FER: variants seen among roughly 807,000 people sequenced by gnomAD.
FER encodes the protein FER tyrosine kinase.
FER carries 63 observed loss-of-function variants against 111.0 expected under a neutral mutation model. The observed-to-expected ratio is 0.57, with a 90% CI of 0.46 to 0.70. The LOEUF (loss-of-function observed/expected upper bound fraction) is 0.70, where lower values mean the gene tolerates loss of function less well. FER is among the 30% of genes least tolerant of loss of function. The probability of loss-of-function intolerance (pLI) is 0.00; values close to 1 mark genes in which losing one functional copy is unlikely to be tolerated. For synonymous variants in FER, 327 were observed against 313.9 expected (o/e 1.04, Z -0.44); for missense variants, 914 against 954.0 (o/e 0.96, Z 0.55).
chr5:109,044,537 G>A (rs777608081), intron 14 of FER, 143 bp from the exon 15 acceptor site: 5 of 491,764 alleles, frequency 1.0e-5, no homozygotes, highest in South Asian at 8.0e-5. Flanking sequence ...TTAGAAGTTC[G>A]TATGTCTGAT....
chr5:108,790,233 C>A (rs1755200319), intron 2 of FER, among the ~76,000 whole-genome samples: 1 of 61,110 alleles, frequency 1.6e-5, no homozygotes, highest in Admixed American at 2.2e-4. Flanking sequence ...TATGCATACA[C>A]ACCACACACA....
chr5:108,897,931 T>C lies in FER; in HGVS notation c.1236+83T>C, dbSNP rs1406552224. 6 of 1,238,810 alleles carry C rather than the reference T, an allele frequency of 4.8e-6. No homozygotes were observed. The African/African-American group carries it at 7.8e-5, about 16-fold the overall frequency. The allele number at this position is 1,238,810 out of a possible 1,614,324, so 76.7% of individuals were successfully genotyped here. On this transcript the variant is annotated intron_variant, in intron 10 of 19. Coordinates refer to ENST00000281092, the MANE Select transcript of FER (RefSeq NM_005246.4). ...GCATACAAAAATTATTTAAATTTGC[T>C]ATAACAAATTGTTACTCTTGTTAAT...
At chr5:108,995,076 T>A (rs115834388) in intron 13 of FER, among the ~76,000 whole-genome samples, 1,598 of 152,228 alleles carry the variant, frequency 0.01, 23 homozygotes, top group African/African-American at 0.036. Context: ...TTTGACTTCC[T>A]CTCTTCCTAT....
intron 13 of FER, among the ~76,000 whole-genome samples, chr5:109,007,125 A>G (rs1295502023): frequency 6.6e-6 from 1 of 152,206 alleles, no homozygotes; most frequent in Non-Finnish European, 1.5e-5. Context: ...AAAAAGTTTT[A>G]ATTACATTGT....
intron 16 of FER, among the ~76,000 whole-genome samples, chr5:109,078,891 T>C (rs758734475): frequency 6.6e-6 from 1 of 152,156 alleles, no homozygotes; most frequent in African/African-American, 2.4e-5. Flanking sequence ...TTTTAATATA[T>C]AGCTTACCAG....
intron 10 of FER, among the ~76,000 whole-genome samples, chr5:108,933,045 C>T (rs902090998): frequency 3.3e-5 from 5 of 151,998 alleles, no homozygotes. Flanking sequence ...TTGTAGGTTG[C>T]CTGTTCACTC....
chr5:108,868,292 C>G (rs936835843), intron 6 of FER, among the ~76,000 whole-genome samples: 3 of 151,518 alleles, frequency 2.0e-5, no homozygotes, highest in Admixed American at 2.0e-4. Context: ...TGAAGAGGCT[C>G]AAGGAAGAGA....
At chr5:108,825,202 T>G (rs1037219756) in intron 3 of FER, among the ~76,000 whole-genome samples, 1 of 152,092 alleles carries the variant, frequency 6.6e-6, no homozygotes, top group African/African-American at 2.4e-5. Flanking sequence ...CTGACCAAAA[T>G]TTATTAGGTG....
Position 108,867,761 on chromosome 5 carries a change from T to TC in FER, c.482-6_482-5insC. 6.3e-7 allele frequency: 1 copy of TC among 1,592,474 alleles called. No homozygotes were observed. The highest frequency in any genetic ancestry group is 8.5e-7 in the Non-Finnish European group (1 of 1,174,060). ...ACTAACTTTCTTCAGTTTTTTTTTT[T>TC]TTCAGGGAAGGAAACTGAAAAGGCC... On this transcript the variant is annotated splice_polypyrimidine_tract_variant and splice_region_variant and intron_variant, in intron 5 of 19. Coordinates refer to ENST00000281092, the MANE Select transcript of FER (RefSeq NM_005246.4).
chr5:108,804,594 A>G (rs1056504779), intron 3 of FER, among the ~76,000 whole-genome samples: 4 of 152,140 alleles, frequency 2.6e-5, no homozygotes, highest in Non-Finnish European at 5.9e-5. Flanking sequence ...TGAGATTATT[A>G]TATGGTTTTG....
At chr5:109,087,478 T>C (rs1221666313) in intron 16 of FER, among the ~76,000 whole-genome samples, 1 of 151,900 alleles carries the variant, frequency 6.6e-6, no homozygotes, top group Non-Finnish European at 1.5e-5. Flanking sequence ...TTTGTTTAAA[T>C]ATCCAACACT....
At chr5:108,957,766 C>T (rs1758619279) in intron 12 of FER, among the ~76,000 whole-genome samples, 1 of 151,416 alleles carries the variant, frequency 6.6e-6, no homozygotes, top group Admixed American at 6.6e-5. Flanking sequence ...GTACATGTAC[C>T]ATATACTGGG....
At position 109,186,192 on chromosome 5, in the gene FER, T is replaced by C. The variant is rs78007324; in HGVS notation, c.2204-8T>C. 231,008 of 1,613,880 alleles carry C rather than the reference T, an allele frequency of 0.14. 17,136 individuals are homozygous for C. Among genetic ancestry groups the C allele is most frequent in the African/African-American group, 0.2 (14,976 of 74,980 alleles). ...CTCATGTGGTTATGGTTGTTGTTCC[T>C]CTTCCAGGGAGATACAGTTCAGAGA... On this transcript the variant is annotated splice_polypyrimidine_tract_variant and splice_region_variant and intron_variant, in intron 18 of 19. Coordinates refer to ENST00000281092, the MANE Select transcript of FER (RefSeq NM_005246.4).
chr5:109,002,374 A>T (rs1212776015), intron 13 of FER, among the ~76,000 whole-genome samples: 1 of 151,626 alleles, frequency 6.6e-6, no homozygotes, highest in Non-Finnish European at 1.5e-5. Context: ...CAATGGGGAA[A>T]GGATTCCCTA....
intron 1 of FER, among the ~76,000 whole-genome samples, chr5:108,755,669 A>G (rs1751016789): frequency 6.6e-6 from 1 of 151,520 alleles, no homozygotes; most frequent in African/African-American, 2.4e-5. Flanking sequence ...TGTATTTAGT[A>G]GAGATGGGGT....
At position 108,835,179 on chromosome 5, in the gene FER, G is replaced by GCGC. The variant is rs747230321; in HGVS notation, c.382-527_382-525dup. 5.2e-4 allele frequency among the ~76,000 whole-genome samples: 47 copies of GCGC among 89,734 alleles called. 4 individuals are homozygous for GCGC. Among genetic ancestry groups the GCGC allele is most frequent in the Non-Finnish European group, 6.1e-4 (28 of 45,766 alleles). 58.9% of individuals were successfully genotyped at this position (89,734 alleles called of 152,430 possible). The stretch of plus-strand genomic sequence containing the variant: ...TAATGGCAGTGTTATTTCTTCGTTT[G>GCGC]CGCCACCCCCCCCCCCCCACTTTTT... On this transcript the variant is annotated intron_variant, in intron 4 of 19. Coordinates refer to ENST00000281092, the MANE Select transcript of FER (RefSeq NM_005246.4).
At position 109,013,763 on chromosome 5, in the gene FER, T is replaced by C. The variant is rs1766645258; in HGVS notation, c.1657-23659T>C. 2.0e-5 allele frequency among the ~76,000 whole-genome samples: 3 copies of C among 150,952 alleles called. No individual in the cohort carries two copies. In the South Asian group the frequency reaches 6.3e-4, roughly 32 times the overall value. ...CACCTGTTGTTTCCTGACTTTTTAA[T>C]GATTGCCATTCTAACTGGTGTGAGA... is the stretch of plus-strand genomic sequence containing the variant. On this transcript the variant is annotated intron_variant, in intron 13 of 19. Transcript: ENST00000281092.
intron 3 of FER, among the ~76,000 whole-genome samples, chr5:108,823,017 G>A (rs1759065015): frequency 6.6e-6 from 1 of 151,912 alleles, no homozygotes; most frequent in African/African-American, 2.4e-5. Flanking sequence ...ATCACAGGTG[G>A]CCTGCCACCA....
intron 16 of FER, among the ~76,000 whole-genome samples, chr5:109,059,898 A>G (rs1344936932): frequency 1.3e-5 from 2 of 152,330 alleles, no homozygotes; most frequent in Admixed American, 6.5e-5. Flanking sequence ...TAGAAGCATC[A>G]TTTATAATTG....
Sources: gnomAD v4.1 joint callset for allele counts (sites outside exome capture counted in the v4.1 genomes callset) on GRCh38, gnomAD v4.1.1 for gene constraint, MANE v1.5 for transcripts, NCBI Gene and HGNC (gene_info 2026-07-23, HGNC 2026-07-21) for gene names.